The following PIAS2 variants were observed in gnomAD, a reference collection of about 807,000 sequenced individuals.
PIAS2 encodes the protein E3 SUMO-protein ligase PIAS2.
PIAS2 carries 19 observed loss-of-function variants against 69.7 expected under a neutral mutation model. That is an observed-to-expected ratio of 0.27 (90% confidence interval 0.19 to 0.40). The LOEUF is 0.40. Ranked by LOEUF, PIAS2 falls within the 10% of genes least tolerant of loss-of-function variation. The probability of loss-of-function intolerance (pLI) is 1.00; values close to 1 mark genes in which losing one functional copy is unlikely to be tolerated. For synonymous variants in PIAS2, 261 were observed against 263.2 expected (o/e 0.99, Z 0.08); for missense variants, 624 against 757.0 (o/e 0.82, Z 2.06).
In PIAS2 at chr18:46,917,316, G is replaced by A. The variant is rs1284223528; in HGVS notation, c.24+6C>T. 3 of 1,475,704 alleles carry A rather than the reference G, an allele frequency of 2.0e-6. No homozygotes were observed. The highest frequency in any genetic ancestry group is 2.7e-6 in the Non-Finnish European group (3 of 1,109,148). The allele number at this position is 1,475,704 out of a possible 1,614,324, so 91.4% of individuals were successfully genotyped here. A position where few individuals can be genotyped will look rare whatever the true frequency, so the allele number is the denominator to read the frequency against. ...CCCGCGGCCTCCGCTCTCCACTCCC[G>A]CTTACCCTCAACTCTTCGAAATCCG... is the stretch of plus-strand genomic sequence containing the variant. On this transcript the variant is annotated splice_donor_region_variant and intron_variant, in intron 1 of 13. Transcript: ENST00000585916.
intron 5 of PIAS2, among the ~76,000 whole-genome samples, chr18:46,849,574 G>T (rs1447880166): frequency 6.6e-6 from 1 of 151,392 alleles, no homozygotes; most frequent in African/African-American, 2.4e-5. Context: ...CACACTCAAA[G>T]AATTTTTTAT....
chr18:46,850,056 C>T (rs548144221), intron 5 of PIAS2, among the ~76,000 whole-genome samples: 1 of 152,198 alleles, frequency 6.6e-6, no homozygotes, highest in Admixed American at 6.5e-5. Context: ...CTCCCAGGTG[C>T]CTCAAAATTT....
chr18:46,865,512 C>T (rs1190526852), intron 2 of PIAS2, among the ~76,000 whole-genome samples: 1 of 121,888 alleles, frequency 8.2e-6, no homozygotes, highest in South Asian at 2.7e-4. Flanking sequence ...TGCACTACAG[C>T]GATAGTCTTC....
chr18:46,909,978 C>A (rs1476653194), intron 1 of PIAS2, among the ~76,000 whole-genome samples: 1 of 151,938 alleles, frequency 6.6e-6, no homozygotes, highest in Non-Finnish European at 1.5e-5. Context: ...ACCAGCCTGG[C>A]CAACATGGTG....
chr18:46,872,957 T>G (rs2050596118), intron 2 of PIAS2, among the ~76,000 whole-genome samples: 1 of 152,154 alleles, frequency 6.6e-6, no homozygotes, highest in African/African-American at 2.4e-5. Flanking sequence ...ATTTCACCTT[T>G]TCATTAACGC....
intron 1 of PIAS2, among the ~76,000 whole-genome samples, chr18:46,897,353 G>A (rs2055055609): frequency 6.6e-6 from 1 of 152,144 alleles, no homozygotes; most frequent in South Asian, 2.1e-4. Context: ...AGAAAACAGA[G>A]AAGCTATCAA....
intron 1 of PIAS2, among the ~76,000 whole-genome samples, chr18:46,913,828 G>A (rs1231621610): frequency 6.6e-6 from 1 of 152,108 alleles, no homozygotes; most frequent in East Asian, 1.9e-4. Context: ...TTTGAGACAG[G>A]GTCTCCCTCT....
rs145797931 is a variant in PIAS2, at chr18:46,892,484, T to C, written c.25-1430A>G. On this transcript the variant is annotated intron_variant, in intron 1 of 13. Transcript: ENST00000585916. The stretch of plus-strand genomic sequence containing the variant: ...CTCCTAGTAGTCACATTAAAAAAAC[T>C]AATTTAGGCCAGGAACAGTGGCTCA... Among the ~76,000 whole-genome samples the C allele has an allele frequency of 9.4e-3, 1,428 of 152,132 alleles. 20 individuals carry two copies. Among genetic ancestry groups the C allele is most frequent in the African/African-American group, 0.032 (1,346 of 41,504 alleles).
chr18:46,890,770 C>CT lies in PIAS2; in HGVS notation c.308_309insA (p.Leu104ValfsTer24). On this transcript the variant is annotated frameshift_variant, in exon 2 of 14. Coordinates refer to ENST00000585916, the MANE Select transcript of PIAS2 (RefSeq NM_004671.5). LOFTEE classifies it high-confidence loss of function. ...GAGGTGTAACTGAAGTGGAAGGCAA[C>CT]GAGTGGATTCCAGCCACGGCCAAGT... is the stretch of plus-strand genomic sequence containing the variant. The CT allele has an allele frequency of 6.2e-7, 1 of 1,614,118 alleles. No homozygotes were observed. The highest frequency in any genetic ancestry group is 1.1e-5 in the South Asian group (1 of 91,080).
In PIAS2 at chr18:46,895,124, A is replaced by T. The variant is rs988350214; in HGVS notation, c.25-4070T>A. Among the ~76,000 whole-genome samples the T allele has an allele frequency of 2.4e-4, 36 of 152,036 alleles. 1 individual carries two copies. Among genetic ancestry groups the T allele is most frequent in the Admixed American group, 2.1e-3 (32 of 15,246 alleles). On this transcript the variant is annotated intron_variant, in intron 1 of 13. Coordinates refer to ENST00000585916, the MANE Select transcript of PIAS2 (RefSeq NM_004671.5). ...TCAAACAGGTATACATGACAGTTAC[A>T]TGTAATCACCAGTGAATAAAAATAT...
Position 46,917,415 on chromosome 18 carries a change from G to T in PIAS2, c.-70C>A. 7.3e-7 allele frequency: 1 copy of T among 1,373,994 alleles called. No homozygotes were observed. The highest frequency in any genetic ancestry group is 9.4e-7 in the Non-Finnish European group (1 of 1,061,946). 85.1% of individuals were successfully genotyped at this position (1,373,994 alleles called of 1,614,324 possible). On this transcript the variant is annotated 5_prime_UTR_variant, in exon 1 of 14. Coordinates refer to ENST00000585916, the MANE Select transcript of PIAS2 (RefSeq NM_004671.5). ...TCCCGCTGCCGCCAACGACGCTGCC[G>T]CCACCACGGCCGCCGCCGCCTCCAG...
At chr18:46,831,090 C>T (rs181184189) in intron 9 of PIAS2, among the ~76,000 whole-genome samples, 1 of 152,142 alleles carries the variant, frequency 6.6e-6, no homozygotes, top group East Asian at 1.9e-4. Context: ...AAGGCATCCA[C>T]GTTAGAAAGA....
At chr18:46,830,736 T>A (rs1157247596) in intron 9 of PIAS2, among the ~76,000 whole-genome samples, 2 of 152,136 alleles carry the variant, frequency 1.3e-5, no homozygotes. Context: ...ATAAGTTGGA[T>A]CTGTAGTTAA....
intron 2 of PIAS2, among the ~76,000 whole-genome samples, chr18:46,865,028 G>A (rs1833141210): frequency 6.6e-6 from 1 of 151,990 alleles, no homozygotes; most frequent in Non-Finnish European, 1.5e-5. Context: ...TACCTAATTT[G>A]CATATGAAAG....
chr18:46,861,737 G>T (rs762613394), intron 3 of PIAS2, among the ~76,000 whole-genome samples: 5 of 152,100 alleles, frequency 3.3e-5, no homozygotes, highest in Non-Finnish European at 5.9e-5. Context: ...AAAGTGTCAC[G>T]CTGTGAAAGA....
At position 46,890,669 on chromosome 18, in the gene PIAS2, G is replaced by A. The variant is rs912436401; in HGVS notation, c.410C>T (p.Pro137Leu). The A allele has an allele frequency of 4.3e-6, 7 of 1,613,944 alleles. No individual in the cohort carries two copies. The African/African-American group carries it at 8.0e-5, about 18-fold the overall frequency. ...ATCAGGATGGACAGGAGGAATTGGG[G>A]GAGATGGCTGCTGCATCTCAAATGT... ...KPTFEMQQPSPPIPPVHPDVQ... is the reference protein window; with the variant it reads ...KPTFEMQQPSLPIPPVHPDVQ... The change falls in exon 2 of 14, where the codon CCC becomes CTC. Residue 137 changes from proline (P) to leucine (L), a missense_variant. Coordinates refer to ENST00000585916, the MANE Select transcript of PIAS2 (RefSeq NM_004671.5).
intron 2 of PIAS2, among the ~76,000 whole-genome samples, chr18:46,874,292 C>T (rs1349292313): frequency 1.3e-5 from 2 of 152,194 alleles, no homozygotes; most frequent in Admixed American, 6.5e-5. Flanking sequence ...TACTGGATCA[C>T]CTTCCTCACT....
intron 2 of PIAS2, among the ~76,000 whole-genome samples, chr18:46,864,602 C>A (rs2049149128): frequency 6.6e-6 from 1 of 152,064 alleles, no homozygotes; most frequent in Non-Finnish European, 1.5e-5. Context: ...GAAACCCCAT[C>A]TCTACTAAAA....
rs771731419 is a variant in PIAS2, at chr18:46,815,358, A to G, written c.1649-9T>C. Reference sequence around the variant, plus strand: ...GGAAAGAAAATCCAAACCTAAAACAAAAATGCTTTGTTAATAGTTGTCTCA... The same window carrying G: ...GGAAAGAAAATCCAAACCTAAAACAGAAATGCTTTGTTAATAGTTGTCTCA... On this transcript the variant is annotated splice_polypyrimidine_tract_variant and intron_variant, in intron 12 of 13. Coordinates refer to ENST00000585916, the MANE Select transcript of PIAS2 (RefSeq NM_004671.5). 1 of 1,611,854 alleles carries G rather than the reference A, an allele frequency of 6.2e-7. No individual in the cohort carries two copies. Among genetic ancestry groups the G allele is most frequent in the Non-Finnish European group, 8.5e-7 (1 of 1,178,452 alleles).
Sources: allele counts gnomAD v4.1 joint callset (sites outside exome capture counted in the v4.1 genomes callset), GRCh38; gene constraint gnomAD v4.1.1; transcripts MANE v1.5; gene names NCBI Gene and HGNC (gene_info 2026-07-23, HGNC 2026-07-21).